TBC1D22A: variants seen among roughly 807,000 people sequenced by gnomAD.
TBC1D22A encodes TBC1 domain family member 22A.
Under a neutral mutation model 60.2 loss-of-function variants are expected in TBC1D22A, and 38 were observed. That is an observed-to-expected ratio of 0.63 (90% CI 0.49 to 0.83). The LOEUF (loss-of-function observed/expected upper bound fraction) is 0.83. Among genes scored for constraint, TBC1D22A ranks in the 40% least tolerant of loss-of-function variants. TBC1D22A has a pLI of 0.00. For synonymous variants in TBC1D22A, 302 were observed against 281.7 expected (o/e 1.07, Z -0.72); for missense variants, 628 against 701.0 (o/e 0.90, Z 1.18).
intron 8 of TBC1D22A, 56 bp from the exon 9 acceptor site, chr22:46,974,234 G>T: frequency 6.8e-7 from 1 of 1,477,768 alleles, no homozygotes; most frequent in Non-Finnish European, 9.3e-7. Flanking sequence ...CCCCTCGTGG[G>T]TCGAGGTCCC....
intron 4 of TBC1D22A, among the ~76,000 whole-genome samples, chr22:46,845,136 T>C (rs1329132874): frequency 6.6e-6 from 1 of 152,244 alleles, no homozygotes; most frequent in Non-Finnish European, 1.5e-5. Flanking sequence ...AATGTCTTTG[T>C]TGATCCGTGG....
chr22:46,941,564 T>C (rs2072092020), intron 8 of TBC1D22A, among the ~76,000 whole-genome samples: 1 of 147,166 alleles, frequency 6.8e-6, no homozygotes, highest in African/African-American at 2.5e-5. Context: ...GGAATATATA[T>C]ACGGAATATA....
intron 4 of TBC1D22A, among the ~76,000 whole-genome samples, chr22:46,837,954 G>T (rs543211667): frequency 3.9e-5 from 6 of 152,224 alleles, no homozygotes; most frequent in Admixed American, 2.6e-4. Flanking sequence ...CCACCTACTC[G>T]GGAGGCTGAG....
intron 12 of TBC1D22A, among the ~76,000 whole-genome samples, chr22:47,137,743 G>A (rs2066926349): frequency 6.6e-6 from 1 of 152,222 alleles, no homozygotes; most frequent in Admixed American, 6.5e-5. Context: ...GGCGCAAGTG[G>A]GAAAATCGTC....
intron 12 of TBC1D22A, among the ~76,000 whole-genome samples, chr22:47,165,519 T>C (rs910146078): frequency 6.6e-6 from 1 of 151,726 alleles, no homozygotes; most frequent in African/African-American, 2.4e-5. Flanking sequence ...TGCTGGGCTC[T>C]GGAGCAGGCA....
intron 1 of TBC1D22A, among the ~76,000 whole-genome samples, chr22:46,791,063 T>G (rs1046827109): frequency 6.6e-6 from 1 of 152,168 alleles, no homozygotes; most frequent in African/African-American, 2.4e-5. Context: ...CTTATTTTAT[T>G]TTTTTGAGAC....
chr22:47,140,985 C>A (rs1359553137), intron 12 of TBC1D22A, among the ~76,000 whole-genome samples: 2 of 152,168 alleles, frequency 1.3e-5, no homozygotes, highest in Non-Finnish European at 2.9e-5. Context: ...TTTCATACTG[C>A]TTTAAAGAAA....
At chr22:47,092,324 C>T (rs994660935) in intron 11 of TBC1D22A, among the ~76,000 whole-genome samples, 13 of 152,098 alleles carry the variant, frequency 8.5e-5, no homozygotes, top group African/African-American at 2.7e-4. Flanking sequence ...GGAGGGAGCC[C>T]GCAGCAGCCC....
intron 4 of TBC1D22A, among the ~76,000 whole-genome samples, chr22:46,829,117 C>T (rs568355947): frequency 6.6e-6 from 1 of 152,302 alleles, no homozygotes; most frequent in South Asian, 2.1e-4. Flanking sequence ...GTGCATTCTC[C>T]AAGTGTCGGA....
intron 8 of TBC1D22A, among the ~76,000 whole-genome samples, chr22:46,929,206 T>C (rs921030545): frequency 6.6e-6 from 1 of 152,224 alleles, no homozygotes; most frequent in Admixed American, 6.5e-5. Flanking sequence ...TGGTTTCTGC[T>C]TTTTCACTGT....
intron 12 of TBC1D22A, among the ~76,000 whole-genome samples, chr22:47,159,312 T>C (rs950289869): frequency 1.7e-4 from 16 of 96,822 alleles, no homozygotes; most frequent in Non-Finnish European, 8.3e-5. Flanking sequence ...ACACCATGTA[T>C]ACATACACAC....
At chr22:47,070,490 T>C (rs1160523422) in intron 11 of TBC1D22A, among the ~76,000 whole-genome samples, 1 of 150,464 alleles carries the variant, frequency 6.6e-6, no homozygotes, top group Admixed American at 6.6e-5. Flanking sequence ...GGTTCCAGGC[T>C]GTTCCCTGTT....
chr22:46,920,703 T>A (rs1408446468), intron 8 of TBC1D22A, among the ~76,000 whole-genome samples: 1 of 152,244 alleles, frequency 6.6e-6, no homozygotes, highest in Admixed American at 6.5e-5. Flanking sequence ...TAGAGCACTT[T>A]ATTAGTATTT....
chr22:47,102,270 G>T lies in TBC1D22A; in HGVS notation c.1330-9238G>T, dbSNP rs537242736. On this transcript the variant is annotated intron_variant, in intron 11 of 12. Coordinates refer to ENST00000337137, the MANE Select transcript of TBC1D22A (RefSeq NM_014346.5). Reference sequence around the variant, plus strand: ...ATGGAGGTGGGGGATGCCAGAAGTGGCCTTGCGCTACGCACCTCCCTGTGA... The same window carrying T: ...ATGGAGGTGGGGGATGCCAGAAGTGTCCTTGCGCTACGCACCTCCCTGTGA... Among the ~76,000 whole-genome samples the T allele has an allele frequency of 2.4e-3, 370 of 152,282 alleles. 2 individuals carry two copies. The highest frequency in any genetic ancestry group is 8.4e-3 in the African/African-American group (348 of 41,570).
chr22:47,041,001 A>G (rs910546631), intron 11 of TBC1D22A, among the ~76,000 whole-genome samples: 5 of 152,114 alleles, frequency 3.3e-5, no homozygotes, highest in African/African-American at 1.2e-4. Flanking sequence ...GGCTCCTCAC[A>G]CACATCCTGT....
At chr22:47,091,908 T>C (rs1436631049) in intron 11 of TBC1D22A, among the ~76,000 whole-genome samples, 1 of 152,248 alleles carries the variant, frequency 6.6e-6, no homozygotes, top group East Asian at 1.9e-4. Flanking sequence ...GGTACAGAGC[T>C]CTGTGATATG....
intron 4 of TBC1D22A, among the ~76,000 whole-genome samples, chr22:46,825,293 G>A (rs922686268): frequency 5.3e-5 from 8 of 152,098 alleles, no homozygotes; most frequent in Non-Finnish European, 1.2e-4. Flanking sequence ...ACCCCGCCGT[G>A]CCCATGCCTG....
At chr22:47,166,157 A>G (rs2068202358) in intron 12 of TBC1D22A, among the ~76,000 whole-genome samples, 2 of 152,186 alleles carry the variant, frequency 1.3e-5, no homozygotes, top group South Asian at 2.1e-4. Context: ...CTGCACGCAC[A>G]GCCCTTCCTG....
At chr22:47,070,402 C>T (rs201921743) in intron 11 of TBC1D22A, among the ~76,000 whole-genome samples, 2 of 137,002 alleles carry the variant, frequency 1.5e-5, no homozygotes, top group Admixed American at 7.5e-5. Flanking sequence ...CGGAGCTGAC[C>T]TGACGGTTCC....
Sources: gnomAD v4.1 joint callset for allele counts (sites outside exome capture counted in the v4.1 genomes callset) on GRCh38, gnomAD v4.1.1 for gene constraint, MANE v1.5 for transcripts, NCBI Gene and HGNC (gene_info 2026-07-23, HGNC 2026-07-21) for gene names.